The following LAMA1 variants were observed in gnomAD, a reference collection of about 807,000 sequenced individuals.
LAMA1 encodes the protein laminin subunit alpha 1.
Under a neutral mutation model 348.7 loss-of-function variants are expected in LAMA1, and 219 were observed. The observed-to-expected ratio is 0.63, with a 90% CI of 0.56 to 0.70. The LOEUF (loss-of-function observed/expected upper bound fraction) is 0.70. Ranked by LOEUF, LAMA1 falls within the 30% of genes least tolerant of loss-of-function variation. The pLI is 0.00. For synonymous variants in LAMA1, 1,487 were observed against 1,491.0 expected, an observed-to-expected ratio of 1.00 and a Z score of 0.06; for missense variants, 3,744 against 3,888.0, an observed-to-expected ratio of 0.96 and a Z score of 0.99.
chr18:7,065,599 C>T (rs1442090773), intron 3 of LAMA1, among the ~76,000 whole-genome samples: 5 of 151,652 alleles, frequency 3.3e-5, no homozygotes, highest in Admixed American at 6.6e-5. Flanking sequence ...TGGTGGCACG[C>T]ACCTGTAGTC....
intron 53 of LAMA1, chr18:6,960,295 T>C (rs2057600788): frequency 6.5e-6 from 1 of 153,878 alleles, no homozygotes; most frequent in Non-Finnish European, 1.4e-5. Context: ...AAGTAACTGA[T>C]GAACACACTG....
intron 29 of LAMA1, among the ~76,000 whole-genome samples, chr18:7,004,026 G>A (rs148689655): frequency 7.9e-5 from 12 of 152,158 alleles, no homozygotes; most frequent in Admixed American, 7.2e-4. Flanking sequence ...TAGATGATGA[G>A]AGAGAATTGA....
rs560957358 is a variant in LAMA1 at position 6,993,563 on chromosome 18, T to C, written c.5008+78A>G. Reference sequence around the variant, plus strand: ...ACCCGATGCAAGAGATATACATCTATTCATATGTTTAATAAAGCAATGGTG... The same window carrying C: ...ACCCGATGCAAGAGATATACATCTACTCATATGTTTAATAAAGCAATGGTG... On this transcript the variant is annotated intron_variant, in intron 35 of 62. Coordinates refer to ENST00000389658, the MANE Select transcript of LAMA1 (RefSeq NM_005559.4). 24 of 1,024,594 alleles carry C rather than the reference T, an allele frequency of 2.3e-5. No homozygotes were observed. In the East Asian group the frequency reaches 5.2e-4, roughly 22 times the overall value. The allele number at this position is 1,024,594 out of a possible 1,614,324, so 63.5% of individuals were successfully genotyped here.
Position 6,983,209 on chromosome 18 carries a change from A to G in LAMA1, c.5686T>C (p.Ser1896Pro). Reference sequence around the variant, plus strand: ...TAGGCTGCACTGGTGGCATTCAGGGACACATTTCTGATGTTTTCAAGGCCA... The same window carrying G: ...TAGGCTGCACTGGTGGCATTCAGGGGCACATTTCTGATGTTTTCAAGGCCA... ...YSGLENIRNV[S>P]LNATSAAYVH... The change falls in exon 40 of 63, where the codon TCC becomes CCC. Residue 1896 changes from serine to proline, a missense_variant. By Grantham distance (74) the Ser-to-Pro change is moderately conservative. Transcript: ENST00000389658. 6.2e-7 allele frequency: 1 copy of G among 1,614,182 alleles called. No homozygotes were observed. The highest frequency in any genetic ancestry group is 8.5e-7 in the Non-Finnish European group (1 of 1,180,034).
At position 7,036,111 on chromosome 18, in the gene LAMA1, A is replaced by T. The variant is rs765233375; in HGVS notation, c.1738-23T>A. 2.0e-6 allele frequency: 3 copies of T among 1,532,278 alleles called. No homozygotes were observed. The South Asian group carries it at 3.4e-5, about 17-fold the overall frequency. The allele number at this position is 1,532,278 out of a possible 1,614,324, so 94.9% of individuals were successfully genotyped here. ...CAGCTGAAATGTTTAAGCGAGAATGAACACGAAAGGGGAAGACAATCACAG... is the reference window on the plus strand; with the variant it reads ...CAGCTGAAATGTTTAAGCGAGAATGTACACGAAAGGGGAAGACAATCACAG... On this transcript the variant is annotated intron_variant, in intron 12 of 62. Transcript: ENST00000389658.
rs759406144 is a variant in LAMA1, at chr18:7,011,314, A to G, written c.3673T>C (p.Phe1225Leu). Residue 1225 changes from phenylalanine to leucine, a missense_variant, in exon 25 of 63, where the codon TTC becomes CTC. Coordinates refer to ENST00000389658, the MANE Select transcript of LAMA1 (RefSeq NM_005559.4). ...EPFYWRLPQQFQGDQLMAYGG... is the reference protein window; with the variant it reads ...EPFYWRLPQQLQGDQLMAYGG... ...GTGCACCTCACCTGGTCTCCTTGGA[A>G]CTGCTGCGGCAGCCGCCAGTAAAAC... 1 of 1,609,862 alleles carries G rather than the reference A, an allele frequency of 6.2e-7. No homozygotes were observed. The highest frequency in any genetic ancestry group is 8.5e-7 in the Non-Finnish European group (1 of 1,178,814).
At chr18:7,009,512 C>T in intron 26 of LAMA1, 146 bp from the exon 27 acceptor site, 1 of 842,438 alleles carries the variant, frequency 1.2e-6, no homozygotes, top group East Asian at 2.7e-5. Flanking sequence ...CAAAGACCTC[C>T]TGAAACCTCC....
chr18:6,974,776 G>T, intron 46 of LAMA1, 127 bp downstream of exon 46: 2 of 1,241,050 alleles, frequency 1.6e-6, no homozygotes, highest in Non-Finnish European at 2.3e-6. Context: ...CCTAAACCAA[G>T]TATTGTTTGG....
chr18:7,046,893 A>T (rs756145854), intron 5 of LAMA1, among the ~76,000 whole-genome samples: 1 of 152,162 alleles, frequency 6.6e-6, no homozygotes, highest in Non-Finnish European at 1.5e-5. Context: ...AGTGACTAAA[A>T]ATGTGATTCA....
At chr18:6,957,113 T>G in intron 55 of LAMA1, 1 of 344,770 alleles carries the variant, frequency 2.9e-6, no homozygotes. Flanking sequence ...TCCCAAGCGC[T>G]GCACAGTGAC....
intron 51 of LAMA1, among the ~76,000 whole-genome samples, chr18:6,963,037 T>A (rs1308886593): frequency 6.6e-6 from 1 of 152,012 alleles, no homozygotes; most frequent in Non-Finnish European, 1.5e-5. Flanking sequence ...TGCAATAACA[T>A]GGTTTCCTGT....
Position 7,079,990 on chromosome 18 carries a change from A to G in LAMA1, c.330T>C (p.Thr110=), listed in dbSNP as rs200230702. 20 of 1,613,586 alleles carry G rather than the reference A, an allele frequency of 1.2e-5. No individual in the cohort carries two copies. In the East Asian group the frequency reaches 3.3e-4, roughly 27 times the overall value. The change falls in exon 3 of 63, where the codon ACT becomes ACC. Residue 110 remains threonine, a synonymous_variant. Coordinates refer to ENST00000389658, the MANE Select transcript of LAMA1 (RefSeq NM_005559.4). ...NGREYHWVTI[T]LDLRQVFQVA... is the part of the protein sequence containing the mutation. ...GCTCACCTACCTGTCTTAAGTCCAGAGTGATTGTGACCCAGTGATATTCTC... is the reference window on the plus strand; with the variant it reads ...GCTCACCTACCTGTCTTAAGTCCAGGGTGATTGTGACCCAGTGATATTCTC...
intron 29 of LAMA1, among the ~76,000 whole-genome samples, chr18:7,005,177 T>C (rs1226971714): frequency 2.0e-5 from 3 of 152,160 alleles, no homozygotes; most frequent in Admixed American, 1.3e-4. Flanking sequence ...TTCAGGGCCT[T>C]TGGACATGGG....
At chr18:7,081,705 A>G (rs2058194020) in intron 1 of LAMA1, among the ~76,000 whole-genome samples, 1 of 152,182 alleles carries the variant, frequency 6.6e-6, no homozygotes, top group South Asian at 2.1e-4. Flanking sequence ...TTCTGTAAAG[A>G]TCTAGAAACA....
chr18:6,949,559 A>ATG (rs2057537182), intron 58 of LAMA1, among the ~76,000 whole-genome samples: 1 of 152,220 alleles, frequency 6.6e-6, no homozygotes, highest in Admixed American at 6.5e-5. Flanking sequence ...CTAACCTCAT[A>ATG]AGCTGTCTTT....
In LAMA1 at chr18:6,958,689, G is replaced by C. The variant is rs761391375; in HGVS notation, c.7779-27C>G. 5 of 1,564,348 alleles carry C rather than the reference G, an allele frequency of 3.2e-6. No homozygotes were observed. In the South Asian group the frequency reaches 5.6e-5, roughly 17 times the overall value. On this transcript the variant is annotated intron_variant, in intron 54 of 62. Coordinates refer to ENST00000389658, the MANE Select transcript of LAMA1 (RefSeq NM_005559.4). ...TAAAAGACCAATGGAGAAAATAAATGAAAAGCTTTAAACATAATGAAATAA... is the reference window on the plus strand; with the variant it reads ...TAAAAGACCAATGGAGAAAATAAATCAAAAGCTTTAAACATAATGAAATAA...
Position 6,975,038 on chromosome 18 carries a change from TG to T in LAMA1, c.6490-3del. On this transcript the variant is annotated splice_polypyrimidine_tract_variant and splice_region_variant and intron_variant, in intron 45 of 62. Transcript: ENST00000389658. Reference sequence around the variant, plus strand: ...CATCTCCACTGCAAGGAAATCAGACTGGGGGGCGAGGAATGAACGGGGATCA... The same window carrying T: ...CATCTCCACTGCAAGGAAATCAGACTGGGGGCGAGGAATGAACGGGGATCA... 6.2e-7 allele frequency: 1 copy of T among 1,613,454 alleles called. No homozygotes were observed. The highest frequency in any genetic ancestry group is 8.5e-7 in the Non-Finnish European group (1 of 1,179,694).
intron 60 of LAMA1, among the ~76,000 whole-genome samples, chr18:6,947,935 G>T (rs980017770): frequency 6.6e-6 from 1 of 152,170 alleles, no homozygotes; most frequent in African/African-American, 2.4e-5. Flanking sequence ...CTGCCCAGCA[G>T]GGCTGGAGCC....
chr18:7,075,373 G>A (rs960873392), intron 3 of LAMA1, among the ~76,000 whole-genome samples: 18 of 150,782 alleles, frequency 1.2e-4, no homozygotes, highest in Non-Finnish European at 2.2e-4. Flanking sequence ...CTGTGATCCC[G>A]GCATTTTGGG....
Sources: allele counts gnomAD v4.1 joint callset (sites outside exome capture counted in the v4.1 genomes callset), GRCh38; gene constraint gnomAD v4.1.1; transcripts MANE v1.5; gene names NCBI Gene and HGNC (gene_info 2026-07-23, HGNC 2026-07-21).